Variants in SHANK2 observed in about 807,000 individuals in gnomAD.
SHANK2 encodes the protein SH3 and multiple ankyrin repeat domains 2.
In SHANK2, 43 loss-of-function variants were observed where a neutral mutation model predicts 133.7. The observed-to-expected ratio is 0.32, with a 90% CI of 0.25 to 0.41. The LOEUF is 0.41. Among genes scored for constraint, SHANK2 ranks in the 10% least tolerant of loss-of-function variants. The pLI, the probability that SHANK2 is intolerant of heterozygous loss-of-function variation, is 1.00. For synonymous variants in SHANK2, 1,017 were observed against 952.8 expected, an observed-to-expected ratio of 1.07 and a Z score of -1.24; for missense variants, 1,994 against 2,235.8, an observed-to-expected ratio of 0.89 and a Z score of 2.18.
intron 11 of SHANK2, among the ~76,000 whole-genome samples, chr11:70,873,399 A>T (rs1229716892): frequency 6.6e-6 from 1 of 152,234 alleles, no homozygotes; most frequent in Non-Finnish European, 1.5e-5. Context: ...CAATAGGCAA[A>T]CAGGAAATGG....
rs901766207 is a variant in SHANK2, at chr11:70,882,407, A to C, written c.1174+14094T>G. Among the ~76,000 whole-genome samples, 15 of 152,320 alleles carry C rather than the reference A, an allele frequency of 9.8e-5. No homozygotes were observed. Among genetic ancestry groups the C allele is most frequent in the Admixed American group, 7.8e-4 (12 of 15,302 alleles). The stretch of plus-strand genomic sequence containing the variant: ...CTATAGCCTACAAGCAAGGGATTTA[A>C]TACATATCTCAGAGTGATGGGGAAA... On this transcript the variant is annotated intron_variant, in intron 11 of 25. Coordinates refer to ENST00000601538, the MANE Select transcript of SHANK2 (RefSeq NM_012309.5). The surrounding 1 kb of genome is among the most constrained non-coding windows in gnomAD (Gnocchi z 4.2).
At position 70,928,953 on chromosome 11, in the gene SHANK2, A is replaced by AAATGGT. The variant is rs1248480548; in HGVS notation, c.1108-32392_1108-32387dup. ...GGGCTGGCAGAGTCAGGAAGCAGACAAATGGTAATGCAGACCCTGGGGGAG... is the reference window on the plus strand; with the variant it reads ...GGGCTGGCAGAGTCAGGAAGCAGACAAATGGTAATGGTAATGCAGACCCTGGGGGAG... On this transcript the variant is annotated intron_variant, in intron 10 of 25. Coordinates refer to ENST00000601538, the MANE Select transcript of SHANK2 (RefSeq NM_012309.5). Among the ~76,000 whole-genome samples the AAATGGT allele has an allele frequency of 2.0e-4, 31 of 151,980 alleles. 1 individual carries two copies. Among genetic ancestry groups the AAATGGT allele is most frequent in the African/African-American group, 7.5e-4 (31 of 41,366 alleles).
At chr11:70,637,521 G>A (rs1028032160) in intron 17 of SHANK2, among the ~76,000 whole-genome samples, 8 of 152,108 alleles carry the variant, frequency 5.3e-5, no homozygotes, top group African/African-American at 1.9e-4. Context: ...CGGCCGGAGA[G>A]CCAGCCCATG....
chr11:70,727,884 A>G (rs568358202), intron 14 of SHANK2, among the ~76,000 whole-genome samples: 1 of 152,352 alleles, frequency 6.6e-6, no homozygotes, highest in East Asian at 1.9e-4. Context: ...CATCAACAAA[A>G]GAAAACTTCC....
intron 10 of SHANK2, among the ~76,000 whole-genome samples, chr11:70,931,945 AT>A (rs1950510149): frequency 2.0e-5 from 3 of 152,246 alleles, no homozygotes; most frequent in Non-Finnish European, 4.4e-5. Flanking sequence ...CGAAATTAGC[AT>A]AACAAATATT....
At chr11:70,894,312 C>T (rs1023693476) in intron 11 of SHANK2, among the ~76,000 whole-genome samples, 4 of 152,082 alleles carry the variant, frequency 2.6e-5, no homozygotes, top group Non-Finnish European at 5.9e-5. Flanking sequence ...CTCAGCCTCC[C>T]GAGTAGCTGG....
At chr11:70,606,046 G>A (rs918118335) in intron 17 of SHANK2, among the ~76,000 whole-genome samples, 1 of 152,114 alleles carries the variant, frequency 6.6e-6, no homozygotes, top group Non-Finnish European at 1.5e-5. Flanking sequence ...CCAGACAGAC[G>A]ACAGCAGATC....
intron 2 of SHANK2, among the ~76,000 whole-genome samples, chr11:71,214,719 C>T (rs1555119417): frequency 6.6e-6 from 1 of 152,178 alleles, no homozygotes; most frequent in African/African-American, 2.4e-5. Context: ...TGTCGCGTGC[C>T]ACCCCGGGCT....
At chr11:70,655,498 C>T (rs921362389) in intron 17 of SHANK2, among the ~76,000 whole-genome samples, 2 of 152,142 alleles carry the variant, frequency 1.3e-5, no homozygotes, top group Admixed American at 6.5e-5. Flanking sequence ...GAGGGTTAAG[C>T]GGAGCACTGC....
At chr11:71,193,624 C>T (rs966987095) in intron 2 of SHANK2, among the ~76,000 whole-genome samples, 2 of 152,214 alleles carry the variant, frequency 1.3e-5, no homozygotes, top group African/African-American at 2.4e-5. Context: ...GCCTGCTCCC[C>T]GTCCAGAGCT....
At chr11:70,698,230 C>T (rs371498683) in intron 15 of SHANK2, 11 of 201,042 alleles carry the variant, frequency 5.5e-5, no homozygotes, top group East Asian at 1.3e-4. Context: ...CCTGGTGGCT[C>T]GCCTGCCCCC....
intron 17 of SHANK2, chr11:70,647,603 G>A (rs1471661852): frequency 3.3e-5 from 5 of 152,220 alleles, no homozygotes; most frequent in African/African-American, 7.2e-5. Context: ...TCTCAAAAAC[G>A]GTGCTGGCAC....
At chr11:70,930,766 G>A (rs1394856113) in intron 10 of SHANK2, among the ~76,000 whole-genome samples, 1 of 148,896 alleles carries the variant, frequency 6.7e-6, no homozygotes, top group Non-Finnish European at 1.5e-5. Flanking sequence ...AATCTCCCAG[G>A]CTCAAGCAAT....
chr11:70,954,441 A>G (rs1489970279), intron 10 of SHANK2, among the ~76,000 whole-genome samples: 1 of 152,226 alleles, frequency 6.6e-6, no homozygotes, highest in African/African-American at 2.4e-5. Context: ...CATGCGTGGC[A>G]TGAGAAAATG....
At chr11:70,618,521 C>T (rs782643719) in intron 17 of SHANK2, among the ~76,000 whole-genome samples, 1 of 152,294 alleles carries the variant, frequency 6.6e-6, no homozygotes, top group Non-Finnish European at 1.5e-5. Flanking sequence ...CTGGCTCTGC[C>T]CACAGCCAGG....
Position 70,473,306 on chromosome 11 carries a change from T to C in SHANK2, c.5113A>G (p.Arg1705Gly). 4 of 1,613,958 alleles carry C rather than the reference T, an allele frequency of 2.5e-6. No individual in the cohort carries two copies. Among genetic ancestry groups the C allele is most frequent in the Non-Finnish European group, 3.4e-6 (4 of 1,180,024 alleles). The change falls in exon 26 of 26, where the codon AGA becomes GGA. Residue 1705 changes from arginine to glycine, a missense_variant. Around this residue, in one of 5 missense-constraint regions of SHANK2, gnomAD observed 797 missense variants for 907.4 expected, o/e 0.88. Coordinates refer to ENST00000601538, the MANE Select transcript of SHANK2 (RefSeq NM_012309.5). This position sits in a 1 kb window ranked among gnomAD's most constrained non-coding sequence, Gnocchi z 5.9. ...GAGACCACAGGGCTTGGGGCACGTC[T>C]TGTTCCTGAGGTCCTGCTTTCATAG... ...PDYESRTSGT[R>G]RAPSPVVSPT...
At chr11:71,112,829 C>CATTCT (rs1565458275) in intron 5 of SHANK2, among the ~76,000 whole-genome samples, 2 of 124,566 alleles carry the variant, frequency 1.6e-5, no homozygotes, top group Non-Finnish European at 3.7e-5. Context: ...TAGTGCATTC[C>CATTCT]GCCAGGTTCT....
chr11:70,812,226 C>T (rs782081038), intron 12 of SHANK2, among the ~76,000 whole-genome samples: 2 of 152,214 alleles, frequency 1.3e-5, no homozygotes, highest in African/African-American at 2.4e-5. Context: ...GGAATCAGTT[C>T]CCTAACCCAT....
At position 71,083,706 on chromosome 11, in the gene SHANK2, C is replaced by A. The variant is rs985000723; in HGVS notation, c.913-8431G>T. ...CGCAGGGTCTGGATCCCTCACCAAG[C>A]GGCATCCTCTCCAGGACCACACCCC... On this transcript the variant is annotated intron_variant, in intron 8 of 25. Transcript: ENST00000601538. Among the ~76,000 whole-genome samples the A allele has an allele frequency of 1.3e-3, 201 of 152,280 alleles. 2 individuals are homozygous for A. Among genetic ancestry groups the A allele is most frequent in the African/African-American group, 4.3e-3 (179 of 41,576 alleles).
Sources: gnomAD v4.1 joint callset for allele counts (sites outside exome capture counted in the v4.1 genomes callset) on GRCh38, gnomAD v4.1.1 for gene constraint, gnomAD v4.1.1 regional missense constraint, Gnocchi (gnomAD v3.1) non-coding constraint, MANE v1.5 for transcripts, NCBI Gene and HGNC (gene_info 2026-07-23, HGNC 2026-07-21) for gene names.